RORA: variants seen among roughly 807,000 people sequenced by gnomAD.
RORA encodes nuclear receptor ROR-alpha.
A neutral mutation model predicts 69.5 loss-of-function variants in RORA; 7 were observed. The observed-to-expected ratio is 0.10, with a 90% CI of 0.06 to 0.19. RORA has a LOEUF of 0.19. Ranked by LOEUF, RORA falls within the 10% of genes least tolerant of loss-of-function variation. The pLI, the probability that RORA is intolerant of heterozygous loss-of-function variation, is 1.00. For synonymous variants in RORA, 261 were observed against 240.8 expected, an observed-to-expected ratio of 1.08 and a Z score of -0.78; for missense variants, 457 against 663.0, an observed-to-expected ratio of 0.69 and a Z score of 3.41.
chr15:61,106,699 TC>T (rs2078952441), intron 1 of RORA, among the ~76,000 whole-genome samples: 1 of 152,248 alleles, frequency 6.6e-6, no homozygotes. Flanking sequence ...TCAAATACAG[TC>T]ATCTCTACTT....
At chr15:61,068,055 C>A (rs1449863674) in intron 1 of RORA, among the ~76,000 whole-genome samples, 2 of 152,190 alleles carry the variant, frequency 1.3e-5, no homozygotes, top group African/African-American at 4.8e-5. Flanking sequence ...ATATTTTGGT[C>A]AAAATATTTG....
At chr15:61,140,312 G>A (rs1037011138) in intron 1 of RORA, among the ~76,000 whole-genome samples, 1 of 152,170 alleles carries the variant, frequency 6.6e-6, no homozygotes, top group Non-Finnish European at 1.5e-5. Context: ...TTTAAAGTAG[G>A]TTAAGGAATT....
intron 1 of RORA, among the ~76,000 whole-genome samples, chr15:60,695,301 G>A (rs1449696472): frequency 6.6e-6 from 1 of 152,114 alleles, no homozygotes; most frequent in Non-Finnish European, 1.5e-5. Flanking sequence ...AAAAATTCAG[G>A]CTACACTAAC....
At chr15:60,846,069 C>G (rs1227614142) in intron 1 of RORA, among the ~76,000 whole-genome samples, 1 of 152,132 alleles carries the variant, frequency 6.6e-6, no homozygotes, top group East Asian at 1.9e-4. Context: ...ATTACCACCA[C>G]CAGCATGATC....
chr15:61,137,091 GAAAGAAAGAAA>G (rs1466101674), intron 1 of RORA, among the ~76,000 whole-genome samples: 3 of 141,844 alleles, frequency 2.1e-5, no homozygotes, highest in Non-Finnish European at 4.6e-5. Context: ...AAGAAAGAAA[GAAAGAAAGAAA>G]AAAGCAAGGG....
At chr15:60,715,469 A>G (rs2433025) in intron 1 of RORA, among the ~76,000 whole-genome samples, 100,984 of 152,020 alleles carry the variant, frequency 0.66, 33,748 homozygotes, top group East Asian at 0.73. Flanking sequence ...GTGCCTCATG[A>G]CAGACGTTCC....
intron 1 of RORA, among the ~76,000 whole-genome samples, chr15:60,813,659 T>C (rs2072773718): frequency 6.6e-6 from 1 of 152,156 alleles, no homozygotes; most frequent in Non-Finnish European, 1.5e-5. Flanking sequence ...CTGGCCACAG[T>C]TGAGGGAGTA....
At chr15:61,009,306 T>C (rs954114397) in intron 1 of RORA, among the ~76,000 whole-genome samples, 3 of 152,174 alleles carry the variant, frequency 2.0e-5, no homozygotes, top group African/African-American at 7.2e-5. Flanking sequence ...AAATTTATTA[T>C]AGGAAGGATG....
At chr15:60,542,635 T>TCC (rs200041191) in intron 2 of RORA, among the ~76,000 whole-genome samples, 8 of 72,460 alleles carry the variant, frequency 1.1e-4, no homozygotes, top group African/African-American at 4.2e-4. Flanking sequence ...CATGCACACC[T>TCC]CACACACGAC....
chr15:60,724,829 C>T (rs544554615), intron 1 of RORA, among the ~76,000 whole-genome samples: 21 of 152,276 alleles, frequency 1.4e-4, no homozygotes, highest in Admixed American at 4.6e-4. Context: ...CACCACTTTC[C>T]GGTGAATACT....
At position 60,905,319 on chromosome 15, in the gene RORA, G is replaced by A. The variant is rs549622996; in HGVS notation, c.167-226633C>T. Among the ~76,000 whole-genome samples the A allele has an allele frequency of 7.9e-4, 121 of 152,236 alleles. No individual in the cohort carries two copies. The highest frequency in any genetic ancestry group is 1.5e-3 in the Non-Finnish European group (102 of 68,012). ...AGCCAGAGGTTCCTTAATTTGCATCGTTATATGAGTGCAAAGCATGATGAT... is the reference window on the plus strand; with the variant it reads ...AGCCAGAGGTTCCTTAATTTGCATCATTATATGAGTGCAAAGCATGATGAT... On this transcript the variant is annotated intron_variant, in intron 1 of 10. Coordinates refer to ENST00000335670, the MANE Select transcript of RORA (RefSeq NM_134261.3). This position sits in a 1 kb window ranked among gnomAD's most constrained non-coding sequence, Gnocchi z 4.8.
At chr15:60,630,888 C>CTTTTTCTT (rs1555440699) in intron 2 of RORA, among the ~76,000 whole-genome samples, 16 of 109,902 alleles carry the variant, frequency 1.5e-4, no homozygotes, top group African/African-American at 5.3e-4. Flanking sequence ...ATGAGACTTT[C>CTTTTTCTT]TTTTTTTTTT....
At chr15:60,748,217 G>C (rs375302384) in intron 1 of RORA, among the ~76,000 whole-genome samples, 9 of 151,352 alleles carry the variant, frequency 5.9e-5, no homozygotes, top group African/African-American at 2.2e-4. Context: ...CCTAAAATGT[G>C]TGTGTTTGCA....
In RORA at chr15:60,687,510, G is replaced by T. The variant is rs138104267; in HGVS notation, c.167-8824C>A. 1.5e-3 allele frequency among the ~76,000 whole-genome samples: 230 copies of T among 152,304 alleles called. 1 individual carries two copies. Among genetic ancestry groups the T allele is most frequent in the African/African-American group, 5.5e-3 (229 of 41,560 alleles). On this transcript the variant is annotated intron_variant, in intron 1 of 10. Coordinates refer to ENST00000335670, the MANE Select transcript of RORA (RefSeq NM_134261.3). ...GTAGCCATCAAGATACTTCTCTTGG[G>T]AGGCCGAGGCGGGCAGATCACTTGA...
At chr15:60,661,243 C>G (rs8037841) in intron 2 of RORA, among the ~76,000 whole-genome samples, 24,566 of 152,050 alleles carry the variant, frequency 0.16, 2,111 homozygotes, top group East Asian at 0.23. Context: ...TGCAGTTGCA[C>G]AAGGCATGCA....
intron 1 of RORA, among the ~76,000 whole-genome samples, chr15:61,019,463 A>C (rs961483854): frequency 3.3e-5 from 5 of 152,204 alleles, no homozygotes; most frequent in African/African-American, 1.2e-4. Flanking sequence ...GCTAATATAC[A>C]ATCTGTGCAA....
chr15:61,185,890 T>C (rs1337693660), intron 1 of RORA, among the ~76,000 whole-genome samples: 1 of 152,196 alleles, frequency 6.6e-6, no homozygotes, highest in Non-Finnish European at 1.5e-5. Context: ...GAGACCTGCA[T>C]TGCTGCCATT....
chr15:60,733,069 G>A (rs1293044561), intron 1 of RORA, among the ~76,000 whole-genome samples: 1 of 152,184 alleles, frequency 6.6e-6, no homozygotes, highest in African/African-American at 2.4e-5. Context: ...GATGGCATTA[G>A]CTTGCTCCTC....
At position 60,489,125 on chromosome 15, in the gene RORA, T is replaced by C. The variant is rs2065001391; in HGVS notation, c.*8330A>G. ...GCTTTAAAAAAAAGGTTTCAATCTC[T>C]TTCCAAGAGAGGCAGTTAAGGAATG... On this transcript the variant is annotated 3_prime_UTR_variant, in exon 11 of 11. Transcript: ENST00000335670. The C allele has an allele frequency of 6.6e-6, 1 of 152,224 alleles. No homozygotes were observed. Among genetic ancestry groups the C allele is most frequent in the Non-Finnish European group, 1.5e-5 (1 of 68,034 alleles). 9.4% of individuals were successfully genotyped at this position (152,224 alleles called of 1,614,324 possible). A position where few individuals can be genotyped will look rare whatever the true frequency, so the allele number is the denominator to read the frequency against.
Sources: gnomAD v4.1 joint callset for allele counts (sites outside exome capture counted in the v4.1 genomes callset) on GRCh38, gnomAD v4.1.1 for gene constraint, Gnocchi (gnomAD v3.1) non-coding constraint, MANE v1.5 for transcripts, NCBI Gene and HGNC (gene_info 2026-07-23, HGNC 2026-07-21) for gene names.